EHMT1: variants seen among roughly 807,000 people sequenced by gnomAD.
EHMT1 encodes the protein euchromatic histone lysine methyltransferase 1.
EHMT1 carries 15 observed loss-of-function variants against 147.2 expected under a neutral mutation model. The ratio of observed to expected loss-of-function variants is 0.10; its 90% confidence interval spans 0.07 to 0.16. EHMT1 has a LOEUF of 0.16. Ranked by LOEUF, EHMT1 falls within the 10% of genes least tolerant of loss-of-function variation. The probability of loss-of-function intolerance (pLI) is 1.00; values close to 1 mark genes in which losing one functional copy is unlikely to be tolerated. For missense variants in EHMT1, 1,587 were observed against 1,772.4 expected (o/e 0.90, Z 1.88); for synonymous variants, 795 against 709.6 (o/e 1.12, Z -1.91).
chr9:137,730,139 G>T (rs553299227), intron 4 of EHMT1, among the ~76,000 whole-genome samples: 66 of 152,322 alleles, frequency 4.3e-4, no homozygotes, highest in African/African-American at 1.5e-3. Flanking sequence ...GTGGAGCGAC[G>T]CAGGTGACTG....
At chr9:137,682,438 CTG>C (rs1185934315) in intron 1 of EHMT1, among the ~76,000 whole-genome samples, 2 of 152,060 alleles carry the variant, frequency 1.3e-5, no homozygotes, top group Non-Finnish European at 2.9e-5. Flanking sequence ...CATTTTTTGA[CTG>C]AGAACTTTTA....
At chr9:137,811,090 A>G (rs965930445) in intron 18 of EHMT1, among the ~76,000 whole-genome samples, 2 of 152,168 alleles carry the variant, frequency 1.3e-5, no homozygotes, top group Non-Finnish European at 1.5e-5. Context: ...CTGCTTGGAA[A>G]TGAATATAAT....
chr9:137,748,556 C>T (rs2136132052), intron 6 of EHMT1, among the ~76,000 whole-genome samples: 1 of 152,346 alleles, frequency 6.6e-6, no homozygotes, highest in South Asian at 2.1e-4. Flanking sequence ...ATGCGGCTCC[C>T]CACGGTGGCT....
At chr9:137,660,856 C>T (rs1381057165) in intron 1 of EHMT1, among the ~76,000 whole-genome samples, 1 of 152,224 alleles carries the variant, frequency 6.6e-6, no homozygotes, top group Non-Finnish European at 1.5e-5. Context: ...TAATTGTTTA[C>T]TGCTGTTGTA....
At chr9:137,709,172 T>G (rs1206031249) in intron 1 of EHMT1, among the ~76,000 whole-genome samples, 1 of 152,180 alleles carries the variant, frequency 6.6e-6, no homozygotes, top group Admixed American at 6.5e-5. Flanking sequence ...AGTATTACCA[T>G]GAAAATAGTT....
chr9:137,724,192 G>T (rs1014538020), intron 3 of EHMT1, among the ~76,000 whole-genome samples: 3 of 152,208 alleles, frequency 2.0e-5, no homozygotes, highest in African/African-American at 7.2e-5. Context: ...GGTCTGCACT[G>T]GAGGTGGTTC....
At chr9:137,719,522 G>A (rs1945721492) in intron 3 of EHMT1, among the ~76,000 whole-genome samples, 1 of 152,144 alleles carries the variant, frequency 6.6e-6, no homozygotes, top group Non-Finnish European at 1.5e-5. Flanking sequence ...CAGGCTGGCC[G>A]GCCTGACCCG....
At chr9:137,649,314 G>C (rs1186462080) in intron 1 of EHMT1, among the ~76,000 whole-genome samples, 4 of 152,056 alleles carry the variant, frequency 2.6e-5, no homozygotes, top group African/African-American at 9.7e-5. Context: ...ATAAAAATTA[G>C]TCGGATGTGG....
chr9:137,677,945 T>C (rs1941537386), intron 1 of EHMT1, among the ~76,000 whole-genome samples: 1 of 149,464 alleles, frequency 6.7e-6, no homozygotes, highest in East Asian at 2.0e-4. Flanking sequence ...GGCGGGCGCC[T>C]GTAGTCCCAG....
At chr9:137,635,616 C>T (rs144494942) in intron 1 of EHMT1, among the ~76,000 whole-genome samples, 40 of 151,398 alleles carry the variant, frequency 2.6e-4, no homozygotes, top group African/African-American at 8.2e-4. Context: ...GTCAGGAGAT[C>T]GAGACCATCC....
chr9:137,799,065 T>G, intron 17 of EHMT1, 151 bp downstream of exon 17: 1 of 362,650 alleles, frequency 2.8e-6, no homozygotes. Flanking sequence ...CTTCCACACT[T>G]AGGGCCAGCT....
At chr9:137,669,416 ACG>A (rs1564562800) in intron 1 of EHMT1, among the ~76,000 whole-genome samples, 17 of 2,344 alleles carry the variant, frequency 7.3e-3, no homozygotes, top group Admixed American at 0.025. Flanking sequence ...CGTGCACTCC[ACG>A]ACTGCACCCA....
intron 6 of EHMT1, chr9:137,745,436 T>G: frequency 2.5e-6 from 1 of 398,528 alleles, no homozygotes. Context: ...TTTTTTATTT[T>G]AAGATAATTA....
At chr9:137,721,151 ACCCCTCCCAGACTTCTCACACTCAC>A (rs1564637606) in intron 3 of EHMT1, among the ~76,000 whole-genome samples, 1 of 61,596 alleles carries the variant, frequency 1.6e-5, no homozygotes, top group African/African-American at 8.8e-5. Context: ...TCTCACACTC[ACCCCTCCCAGACTTCTCACACTCAC>A]CCCCTCCCAG....
chr9:137,769,925 C>T (rs1950486626), intron 10 of EHMT1, among the ~76,000 whole-genome samples: 3 of 152,174 alleles, frequency 2.0e-5, no homozygotes, highest in Non-Finnish European at 2.9e-5. Flanking sequence ...CAGCCTCAAC[C>T]TCCTGGGCTC....
chr9:137,666,103 A>G (rs937559836), intron 1 of EHMT1: 1 of 152,276 alleles, frequency 6.6e-6, no homozygotes, highest in African/African-American at 2.4e-5. Flanking sequence ...TGGTGCTTCT[A>G]GGCTGGGGCC....
chr9:137,835,162 GC>G lies in EHMT1; in HGVS notation c.*212del, dbSNP rs1956511264. 2 of 492,588 alleles carry G rather than the reference GC, an allele frequency of 4.1e-6. No homozygotes were observed. Among genetic ancestry groups the G allele is most frequent in the East Asian group, 8.0e-5 (2 of 25,120 alleles). 30.5% of individuals were successfully genotyped at this position (492,588 alleles called of 1,614,324 possible). On this transcript the variant is annotated 3_prime_UTR_variant, in exon 27 of 27. Transcript: ENST00000460843. ...TCCCAGACCTGCGGCCTCACCGCGGGCCCAGTGCCCAGGCTGGAGCGCACAC... is the reference window on the plus strand; with the variant it reads ...TCCCAGACCTGCGGCCTCACCGCGGGCCAGTGCCCAGGCTGGAGCGCACAC...
intron 2 of EHMT1, among the ~76,000 whole-genome samples, chr9:137,714,950 G>T (rs1352310140): frequency 6.6e-6 from 1 of 152,088 alleles, no homozygotes; most frequent in Admixed American, 6.6e-5. Flanking sequence ...TTGGCTTTGA[G>T]TAATCTTGGC....
At chr9:137,817,604 C>G in intron 24 of EHMT1, 79 bp downstream of exon 24, 2 of 1,575,096 alleles carry the variant, frequency 1.3e-6, no homozygotes, top group Non-Finnish European at 1.7e-6. Context: ...CTTCAGGAAG[C>G]CCCTCTGGGA....
Sources: gnomAD v4.1 joint callset for allele counts (sites outside exome capture counted in the v4.1 genomes callset) on GRCh38, gnomAD v4.1.1 for gene constraint, MANE v1.5 for transcripts, NCBI Gene and HGNC (gene_info 2026-07-23, HGNC 2026-07-21) for gene names.